DRC11: variants seen among roughly 807,000 people sequenced by gnomAD.
DRC11 encodes IQ and AAA domain-containing protein 1.
the DRC11 span, chr2:236,391,561 C>A: frequency 5.4e-6 from 1 of 184,622 alleles, no homozygotes; most frequent in Non-Finnish European, 1.1e-5. The surrounding 1 kb of genome is among the most constrained non-coding windows in gnomAD (Gnocchi z 4.5). Context: ...GCAACTTACA[C>A]TTCCAATTCA....
chr2:236,399,482 C>G, the DRC11 span: 4 of 1,613,684 alleles, frequency 2.5e-6, no homozygotes, highest in Non-Finnish European at 3.4e-6. The surrounding 1 kb of genome is among the most constrained non-coding windows in gnomAD (Gnocchi z 7.0). Context: ...CATTTTTCGT[C>G]TTCTTCCTGT....
the DRC11 span, chr2:236,497,059 T>A: frequency 1.1e-6 from 1 of 921,188 alleles, no homozygotes; most frequent in Non-Finnish European, 1.6e-6. This position sits in a 1 kb window ranked among gnomAD's most constrained non-coding sequence, Gnocchi z 5.1. Flanking sequence ...CACCAACTAG[T>A]AAACACGGAC....
At chr2:236,398,690 T>C in the DRC11 span, among the ~76,000 whole-genome samples, 2,486 of 152,286 alleles carry the variant, frequency 0.016, 34 homozygotes, top group Non-Finnish European at 0.027. This position sits in a 1 kb window ranked among gnomAD's most constrained non-coding sequence, Gnocchi z 6.2. Context: ...GACCAGTTCC[T>C]ACACTTGCGG....
chr2:236,340,616 C>T, the DRC11 span, among the ~76,000 whole-genome samples: 1 of 152,138 alleles, frequency 6.6e-6, no homozygotes, highest in African/African-American at 2.4e-5. Context: ...ATCTGACAGT[C>T]CTGGTGAGGC....
chr2:236,344,760 T>A, the DRC11 span: 2 of 710,462 alleles, frequency 2.8e-6, no homozygotes, highest in South Asian at 3.6e-5. Flanking sequence ...GTAACTGTGC[T>A]TCCCTCTGGG....
the DRC11 span, among the ~76,000 whole-genome samples, chr2:236,435,534 G>A: frequency 6.6e-6 from 1 of 152,190 alleles, no homozygotes; most frequent in Non-Finnish European, 1.5e-5. Flanking sequence ...CACATGGCTG[G>A]GGAGGCATCG....
At chr2:236,322,229 CTTTTTTTTTTTT>C in the DRC11 span, among the ~76,000 whole-genome samples, 3 of 98,542 alleles carry the variant, frequency 3.0e-5, no homozygotes, top group Admixed American at 1.1e-4. Flanking sequence ...TTTCTTTCCT[CTTTTTTTTTTTT>C]TTTTTTTTTT....
At chr2:236,369,821 G>A in the DRC11 span, among the ~76,000 whole-genome samples, 2 of 152,200 alleles carry the variant, frequency 1.3e-5, no homozygotes, top group Non-Finnish European at 2.9e-5. This position sits in a 1 kb window ranked among gnomAD's most constrained non-coding sequence, Gnocchi z 4.5. Flanking sequence ...GGAAAGTCCA[G>A]CATTCCCGGC....
the DRC11 span, among the ~76,000 whole-genome samples, chr2:236,357,577 T>C: frequency 1.1e-3 from 143 of 127,200 alleles, no homozygotes; most frequent in African/African-American, 4.3e-3. Flanking sequence ...TGCATAGTTA[T>C]ATATTATAAA....
chr2:236,381,805 C>T, the DRC11 span, among the ~76,000 whole-genome samples: 1 of 152,100 alleles, frequency 6.6e-6, no homozygotes, highest in African/African-American at 2.4e-5. The surrounding 1 kb of genome is among the most constrained non-coding windows in gnomAD (Gnocchi z 5.8). Context: ...TGTTTCTTAA[C>T]TTCTGAGTTT....
the DRC11 span, among the ~76,000 whole-genome samples, chr2:236,311,790 G>A: frequency 6.6e-6 from 1 of 151,746 alleles, no homozygotes; most frequent in African/African-American, 2.4e-5. The surrounding 1 kb of genome is among the most constrained non-coding windows in gnomAD (Gnocchi z 6.9). Flanking sequence ...GCTCATGCCT[G>A]GACATGCAAT....
the DRC11 span, chr2:236,377,047 T>A: frequency 4.9e-6 from 6 of 1,213,240 alleles, no homozygotes; most frequent in Non-Finnish European, 7.2e-6. This position sits in a 1 kb window ranked among gnomAD's most constrained non-coding sequence, Gnocchi z 4.9. Context: ...TGCTGGGATT[T>A]CAAAACACAA....
the DRC11 span, among the ~76,000 whole-genome samples, chr2:236,362,783 A>G: frequency 1.3e-5 from 2 of 152,212 alleles, no homozygotes; most frequent in African/African-American, 2.4e-5. The surrounding 1 kb of genome is among the most constrained non-coding windows in gnomAD (Gnocchi z 5.7). Context: ...TACACATTGT[A>G]TACTCTACAG....
chr2:236,357,642 A>AAATATAT, the DRC11 span, among the ~76,000 whole-genome samples: 52,260 of 122,480 alleles, frequency 0.43, 11,659 homozygotes, highest in African/African-American at 0.51. Context: ...TATAATATGT[A>AAATATAT]AATATATAAA....
the DRC11 span, among the ~76,000 whole-genome samples, chr2:236,437,867 G>A: frequency 3.9e-4 from 58 of 147,572 alleles, no homozygotes; most frequent in African/African-American, 1.2e-3. Context: ...AGTAGGTTGC[G>A]AAAATTTTCT....
the DRC11 span, among the ~76,000 whole-genome samples, chr2:236,423,983 T>C: frequency 1.1e-4 from 16 of 139,184 alleles, no homozygotes; most frequent in Admixed American, 5.7e-4. Flanking sequence ...TTCTCACTCA[T>C]AGGTGGGAAT....
the DRC11 span, among the ~76,000 whole-genome samples, chr2:236,320,819 G>A: frequency 1.5e-5 from 2 of 130,540 alleles, no homozygotes; most frequent in African/African-American, 5.0e-5. Flanking sequence ...TCCCTCCGCC[G>A]GTCCCTCCGC....
chr2:236,311,959 TGATG>T, the DRC11 span, among the ~76,000 whole-genome samples: 9 of 152,046 alleles, frequency 5.9e-5, no homozygotes, highest in East Asian at 1.7e-3. The surrounding 1 kb of genome is among the most constrained non-coding windows in gnomAD (Gnocchi z 6.9). Context: ...TATGTTAAGG[TGATG>T]TGTCCCTTCA....
At chr2:236,493,087 T>A in the DRC11 span, among the ~76,000 whole-genome samples, 2 of 152,188 alleles carry the variant, frequency 1.3e-5, no homozygotes, top group East Asian at 1.9e-4. Context: ...TCCATGTGGC[T>A]AGGGAGGCCT....
Sources: allele counts gnomAD v4.1 joint callset (sites outside exome capture counted in the v4.1 genomes callset), GRCh38; gene constraint gnomAD v4.1.1; non-coding constraint Gnocchi (gnomAD v3.1); transcripts MANE v1.5; gene names NCBI Gene and HGNC (gene_info 2026-07-23, HGNC 2026-07-21).